TEK: variants seen among roughly 807,000 people sequenced by gnomAD.
TEK encodes the protein angiopoietin-1 receptor.
Under a neutral mutation model 131.8 loss-of-function variants are expected in TEK, and 43 were observed. The observed-to-expected ratio is 0.33, with a 90% CI of 0.26 to 0.42. The LOEUF (loss-of-function observed/expected upper bound fraction) is 0.42, where lower values mean the gene tolerates loss of function less well. Ranked by LOEUF, TEK falls within the 10% of genes least tolerant of loss-of-function variation. The pLI is 1.00. For missense variants in TEK, 1,162 were observed against 1,384.4 expected, an observed-to-expected ratio of 0.84 and a Z score of 2.55; for synonymous variants, 580 against 491.6, an observed-to-expected ratio of 1.18 and a Z score of -2.38.
At chr9:27,118,954 G>T (rs1821676277) in intron 1 of TEK, among the ~76,000 whole-genome samples, 1 of 152,204 alleles carries the variant, frequency 6.6e-6, no homozygotes, top group Non-Finnish European at 1.5e-5. Context: ...TAGTACGAGA[G>T]AATGAGGCCA....
intron 1 of TEK, among the ~76,000 whole-genome samples, chr9:27,121,890 G>A (rs527644242): frequency 2.0e-4 from 31 of 152,282 alleles, no homozygotes; most frequent in Middle Eastern, 3.4e-3. Flanking sequence ...CATTTTGGGC[G>A]TGTAATTAAT....
At chr9:27,206,536 T>A in intron 14 of TEK, 46 bp from the exon 15 acceptor site, 1 of 1,582,556 alleles carries the variant, frequency 6.3e-7, no homozygotes, top group Non-Finnish European at 8.6e-7. Context: ...CCCCTTAGAA[T>A]TATGAAAAAT....
chr9:27,224,617 A>G (rs1257352186), intron 21 of TEK, among the ~76,000 whole-genome samples: 2 of 152,204 alleles, frequency 1.3e-5, no homozygotes, highest in African/African-American at 4.8e-5. Context: ...CAAAATATTA[A>G]GAGCTGTTTA....
At position 27,213,461 on chromosome 9, in the gene TEK, CATA is replaced by C. The variant is rs1564102880; in HGVS notation, c.2878-20_2878-18del. On this transcript the variant is annotated intron_variant, in intron 17 of 22. Transcript: ENST00000380036. ...TGGGGCTTTCATTAGGCTGAAAATA[CATA>C]ATGTTTTCAAAAATTTCAGTTTATC... 1.9e-6 allele frequency: 3 copies of C among 1,575,596 alleles called. No individual in the cohort carries two copies. Among genetic ancestry groups the C allele is most frequent in the Middle Eastern group, 1.7e-4 (1 of 5,996 alleles).
intron 12 of TEK, among the ~76,000 whole-genome samples, chr9:27,199,079 C>CATG (rs1825126408): frequency 6.6e-6 from 1 of 152,200 alleles, no homozygotes; most frequent in African/African-American, 2.4e-5. Context: ...GAATTACAGG[C>CATG]ATGAGCCACT....
chr9:27,167,217 A>G (rs1823763405), intron 2 of TEK, among the ~76,000 whole-genome samples: 2 of 151,458 alleles, frequency 1.3e-5, no homozygotes, highest in South Asian at 2.1e-4. Flanking sequence ...TTTTCAATCA[A>G]TTGGCTTATT....
At chr9:27,190,349 T>C (rs1366219967) in intron 9 of TEK, among the ~76,000 whole-genome samples, 180 bp from the exon 10 acceptor site, 1 of 152,094 alleles carries the variant, frequency 6.6e-6, no homozygotes, top group Non-Finnish European at 1.5e-5. Flanking sequence ...TTGAGGATAA[T>C]GGGTTGGGGA....
In TEK at chr9:27,109,230, C is replaced by T. The variant is rs1481140115; in HGVS notation, c.-361C>T. The T allele has an allele frequency of 1.9e-6, 1 of 523,428 alleles. No homozygotes were observed. The highest frequency in any genetic ancestry group is 3.3e-6 in the Non-Finnish European group (1 of 301,006). 32.4% of individuals were successfully genotyped at this position (523,428 alleles called of 1,614,324 possible). On this transcript the variant is annotated 5_prime_UTR_variant, in exon 1 of 23. Transcript: ENST00000380036. ...CACACTTCCAACAAAAATTCCTCTGCCCCTACAGCAGCAGCAAAAGCAGCA... is the reference window on the plus strand; with the variant it reads ...CACACTTCCAACAAAAATTCCTCTGTCCCTACAGCAGCAGCAAAAGCAGCA...
At chr9:27,224,184 A>G (rs551728448) in intron 21 of TEK, among the ~76,000 whole-genome samples, 10 of 152,340 alleles carry the variant, frequency 6.6e-5, no homozygotes, top group South Asian at 6.2e-4. Flanking sequence ...CCACAGGTAC[A>G]AAGAGGAGCT....
At chr9:27,182,442 A>T (rs955006927) in intron 7 of TEK, among the ~76,000 whole-genome samples, 2 of 152,170 alleles carry the variant, frequency 1.3e-5, no homozygotes, top group Admixed American at 1.3e-4. Context: ...AAGTTTACAG[A>T]TATATCAAGG....
chr9:27,205,213 A>G lies in TEK; in HGVS notation c.2364+148A>G, dbSNP rs1317915524. 5.8e-6 allele frequency: 6 copies of G among 1,039,490 alleles called. No individual in the cohort carries two copies. The Admixed American group carries it at 1.3e-4, about 23-fold the overall frequency. The allele number at this position is 1,039,490 out of a possible 1,614,324, so 64.4% of individuals were successfully genotyped here. A position where few individuals can be genotyped will look rare whatever the true frequency, so the allele number is the denominator to read the frequency against. ...TCTTCTCTTTGGCTTTCATTATGAA[A>G]TGGGAGATAAAAAGTATGACTTTTT... On this transcript the variant is annotated intron_variant, in intron 14 of 22. Coordinates refer to ENST00000380036, the MANE Select transcript of TEK (RefSeq NM_000459.5).
chr9:27,117,621 A>G (rs1564034018), intron 1 of TEK, among the ~76,000 whole-genome samples: 1 of 152,146 alleles, frequency 6.6e-6, no homozygotes, highest in Non-Finnish European at 1.5e-5. Context: ...ACATCTGCAT[A>G]TTAGAGGAAG....
intron 4 of TEK, among the ~76,000 whole-genome samples, chr9:27,171,928 C>T (rs1823974581): frequency 6.6e-6 from 1 of 152,130 alleles, no homozygotes; most frequent in Admixed American, 6.5e-5. Flanking sequence ...TGATATAACA[C>T]CATGTACTAG....
intron 18 of TEK, among the ~76,000 whole-genome samples, chr9:27,216,882 G>A (rs558668039): frequency 1.2e-4 from 18 of 152,238 alleles, no homozygotes; most frequent in African/African-American, 4.1e-4. Context: ...CGGGAGGGAG[G>A]GATCAACCTC....
chr9:27,155,818 TG>T (rs1326792651), intron 1 of TEK, among the ~76,000 whole-genome samples: 7 of 112,958 alleles, frequency 6.2e-5, no homozygotes. Context: ...GGAGCACTTT[TG>T]TTTTTTTTTT....
chr9:27,116,901 C>T (rs1306419952), intron 1 of TEK, among the ~76,000 whole-genome samples: 9 of 147,066 alleles, frequency 6.1e-5, no homozygotes, highest in Non-Finnish European at 1.3e-4. Context: ...TCGCTCAGTC[C>T]CCCAGGCTGG....
intron 1 of TEK, among the ~76,000 whole-genome samples, chr9:27,155,754 T>A (rs978166899): frequency 6.6e-6 from 1 of 151,134 alleles, no homozygotes; most frequent in Non-Finnish European, 1.5e-5. Flanking sequence ...GGGAATAATG[T>A]TTTTTTGCCC....
At chr9:27,135,903 A>T (rs543390229) in intron 1 of TEK, among the ~76,000 whole-genome samples, 1 of 152,304 alleles carries the variant, frequency 6.6e-6, no homozygotes, top group East Asian at 1.9e-4. Flanking sequence ...AGCCCAAGTC[A>T]CTTGCATTCC....
chr9:27,181,789 G>C (rs560800672), intron 7 of TEK, among the ~76,000 whole-genome samples: 1 of 152,124 alleles, frequency 6.6e-6, no homozygotes, highest in Non-Finnish European at 1.5e-5. Context: ...AAAAGAAGCA[G>C]ACATATGTAT....
Sources: allele counts gnomAD v4.1 joint callset (sites outside exome capture counted in the v4.1 genomes callset), GRCh38; gene constraint gnomAD v4.1.1; transcripts MANE v1.5; gene names NCBI Gene and HGNC (gene_info 2026-07-23, HGNC 2026-07-21).